The following AFG2A variants were observed in gnomAD, a reference collection of about 807,000 sequenced individuals.
AFG2A encodes the protein AAA ATPase AFG2A, also known as ATPase family gene 2 protein homolog A.
At chr4:123,284,773 C>G in the AFG2A span, among the ~76,000 whole-genome samples, 1 of 152,082 alleles carries the variant, frequency 6.6e-6, no homozygotes, top group Non-Finnish European at 1.5e-5. Flanking sequence ...TAATGTAACC[C>G]TTCCAGTAAT....
chr4:123,014,812 A>T, the AFG2A span, among the ~76,000 whole-genome samples: 13 of 152,258 alleles, frequency 8.5e-5, no homozygotes, highest in Admixed American at 5.2e-4. Context: ...CTTAGCTATT[A>T]TATGTTTAGT....
the AFG2A span, among the ~76,000 whole-genome samples, chr4:122,985,567 C>T: frequency 1.3e-5 from 2 of 152,224 alleles, no homozygotes; most frequent in South Asian, 4.2e-4. Flanking sequence ...AATTTATGTG[C>T]ATACAGGTGT....
At chr4:122,986,283 T>C in the AFG2A span, among the ~76,000 whole-genome samples, 2 of 152,338 alleles carry the variant, frequency 1.3e-5, no homozygotes, top group Non-Finnish European at 2.9e-5. Context: ...GTATATCAGT[T>C]AAGTCCATTT....
chr4:123,195,215 CT>C, the AFG2A span, among the ~76,000 whole-genome samples: 1 of 152,188 alleles, frequency 6.6e-6, no homozygotes, highest in Non-Finnish European at 1.5e-5. Flanking sequence ...CAAATGTTCC[CT>C]TTTCTCGAAG....
At chr4:123,016,991 G>A in the AFG2A span, among the ~76,000 whole-genome samples, 5 of 151,124 alleles carry the variant, frequency 3.3e-5, no homozygotes, top group African/African-American at 7.3e-5. Flanking sequence ...GCGTGGTGGC[G>A]CACGCCTGCA....
At chr4:123,002,556 ACTTATGAAG>A in the AFG2A span, among the ~76,000 whole-genome samples, 1 of 151,876 alleles carries the variant, frequency 6.6e-6, no homozygotes, top group Non-Finnish European at 1.5e-5. Context: ...TTTCTCCTTC[ACTTATGAAG>A]CTTAGTTTGG....
At chr4:123,205,610 A>G in the AFG2A span, among the ~76,000 whole-genome samples, 3 of 152,128 alleles carry the variant, frequency 2.0e-5, no homozygotes, top group African/African-American at 7.2e-5. Context: ...TGCAGAGGTT[A>G]TACGCAAATA....
At chr4:123,088,778 A>G in the AFG2A span, among the ~76,000 whole-genome samples, 1 of 152,222 alleles carries the variant, frequency 6.6e-6, no homozygotes, top group African/African-American at 2.4e-5. Context: ...TCCTTCAGCC[A>G]TAATTGTTAG....
chr4:123,314,772 T>C, the AFG2A span: 1 of 150,322 alleles, frequency 6.7e-6, no homozygotes, highest in Non-Finnish European at 1.5e-5. Context: ...TTTTTTTTTT[T>C]TGAGACAGAG....
the AFG2A span, chr4:123,256,222 G>C: frequency 6.3e-7 from 1 of 1,597,924 alleles, no homozygotes; most frequent in Non-Finnish European, 8.5e-7. Context: ...GGAGGAAAGC[G>C]GTGGCTCAGG....
chr4:123,093,458 G>T, the AFG2A span, among the ~76,000 whole-genome samples: 138,275 of 152,258 alleles, frequency 0.91, 63,018 homozygotes, highest in East Asian at 0.98. Flanking sequence ...CAGTGTCTTA[G>T]GCCAATGAGC....
the AFG2A span, chr4:123,028,200 T>C: frequency 1.2e-6 from 2 of 1,614,082 alleles, no homozygotes; most frequent in East Asian, 4.5e-5. Context: ...CCTGGTCAGA[T>C]ATAGGAGGAC....
the AFG2A span, among the ~76,000 whole-genome samples, chr4:123,304,444 C>T: frequency 1.3e-4 from 20 of 152,190 alleles, no homozygotes; most frequent in East Asian, 3.9e-3. Flanking sequence ...AAGGAGGTCG[C>T]AAGGCTGTGA....
At chr4:123,255,962 A>G in the AFG2A span, 5 of 1,598,962 alleles carry the variant, frequency 3.1e-6, no homozygotes, top group African/African-American at 5.4e-5. Context: ...TATCTTTGAG[A>G]TGGAATGTCA....
chr4:123,048,626 G>A, the AFG2A span, among the ~76,000 whole-genome samples: 1 of 152,018 alleles, frequency 6.6e-6, no homozygotes, highest in Non-Finnish European at 1.5e-5. Flanking sequence ...TGTTTGTTTT[G>A]AAGTTATTGT....
At chr4:123,312,390 A>C in the AFG2A span, among the ~76,000 whole-genome samples, 1 of 152,126 alleles carries the variant, frequency 6.6e-6, no homozygotes, top group Non-Finnish European at 1.5e-5. Context: ...CCTTGCAACC[A>C]TTGCTTCAAA....
chr4:123,207,074 TA>T, the AFG2A span, among the ~76,000 whole-genome samples: 1 of 152,162 alleles, frequency 6.6e-6, no homozygotes, highest in African/African-American at 2.4e-5. Flanking sequence ...TTTTAATTTA[TA>T]TTAGAGAGGA....
the AFG2A span, among the ~76,000 whole-genome samples, chr4:123,286,778 T>A: frequency 4.0e-5 from 6 of 151,806 alleles, no homozygotes; most frequent in East Asian, 7.8e-4. Context: ...AAGGCTAAAG[T>A]AGGGAAGGAG....
chr4:122,940,903 T>C, the AFG2A span, among the ~76,000 whole-genome samples: 1 of 150,924 alleles, frequency 6.6e-6, no homozygotes. Flanking sequence ...CTTTCCCCAT[T>C]GCTTGTTTTT....
Sources: allele counts gnomAD v4.1 joint callset (sites outside exome capture counted in the v4.1 genomes callset), GRCh38; gene constraint gnomAD v4.1.1; transcripts MANE v1.5; gene names NCBI Gene and HGNC (gene_info 2026-07-23, HGNC 2026-07-21).